Variants in EXTL3 observed in about 807,000 individuals in gnomAD.
The protein encoded by EXTL3 is exostosin like glycosyltransferase 3.
In EXTL3, 27 loss-of-function variants were observed where a neutral mutation model predicts 69.3. The observed-to-expected ratio is 0.39, with a 90% CI of 0.29 to 0.54. The LOEUF (loss-of-function observed/expected upper bound fraction) is 0.54. Among genes scored for constraint, EXTL3 ranks in the 20% least tolerant of loss-of-function variants. EXTL3 has a pLI of 0.69. For synonymous variants in EXTL3, 511 were observed against 499.4 expected (o/e 1.02, Z -0.31); for missense variants, 1,003 against 1,231.8 (o/e 0.81, Z 2.78).
At position 28,747,455 on chromosome 8, in the gene EXTL3, C is replaced by T. The variant is rs539374283; in HGVS notation, c.2551-3202C>T. Among the ~76,000 whole-genome samples the T allele has an allele frequency of 1.2e-4, 18 of 152,180 alleles. No individual in the cohort carries two copies. In the South Asian group the frequency reaches 2.1e-3, roughly 18 times the overall value. On this transcript the variant is annotated intron_variant, in intron 6 of 6. Transcript: ENST00000220562. ...AACTCTGGGACCTGGGCTCTGACGG[C>T]GCATACTGGCTGTACACAATGATTA...
chr8:28,722,872 G>A (rs887447787), intron 3 of EXTL3, among the ~76,000 whole-genome samples: 4 of 151,806 alleles, frequency 2.6e-5, no homozygotes, highest in African/African-American at 7.3e-5. Context: ...TGAACAGGGA[G>A]AGTTCTTTTT....
chr8:28,704,023 A>G (rs1037206528), intron 1 of EXTL3, among the ~76,000 whole-genome samples: 3 of 152,166 alleles, frequency 2.0e-5, no homozygotes, highest in Non-Finnish European at 4.4e-5. Flanking sequence ...TGTAAGCTTC[A>G]TCTTTTCTTT....
At chr8:28,632,104 C>CA (rs111535160) in intron 1 of EXTL3, among the ~76,000 whole-genome samples, 15,999 of 139,266 alleles carry the variant, frequency 0.11, 2,501 homozygotes, top group African/African-American at 0.36. Context: ...CACCACCCAC[C>CA]AAAAAAAAAA....
intron 1 of EXTL3, among the ~76,000 whole-genome samples, chr8:28,658,196 C>T (rs1349922463): frequency 2.2e-5 from 3 of 134,780 alleles, no homozygotes; most frequent in African/African-American, 9.3e-5. Flanking sequence ...TGACACCGGA[C>T]GGTGGGTGGG....
chr8:28,612,527 C>T (rs1299806869), intron 2 of EXTL3, among the ~76,000 whole-genome samples: 1 of 151,646 alleles, frequency 6.6e-6, no homozygotes, highest in African/African-American at 2.4e-5. Context: ...CAAAGTGAGT[C>T]AACTCTCCCA....
intron 1 of EXTL3, among the ~76,000 whole-genome samples, chr8:28,633,249 G>A (rs1370989325): frequency 6.6e-6 from 1 of 152,040 alleles, no homozygotes; most frequent in African/African-American, 2.4e-5. Flanking sequence ...GAGGCGGGAG[G>A]ATCACTGGAG....
At position 28,717,462 on chromosome 8, in the gene EXTL3, T is replaced by C. The variant is rs1277807039; in HGVS notation, c.1403T>C (p.Val468Ala). The part of the protein sequence containing the change: ...GAVPVVLGEQ[V>A]QLPYQDMLQW... ...GTCCCGGTGGTGCTGGGGGAGCAGGTCCAGCTTCCCTACCAGGACATGCTG... is the reference window on the plus strand; with the variant it reads ...GTCCCGGTGGTGCTGGGGGAGCAGGCCCAGCTTCCCTACCAGGACATGCTG... Residue 468 changes from valine to alanine, a missense_variant, in exon 3 of 7, where the codon GTC (valine) becomes GCC (alanine). Physicochemically the swap from Val to Ala is moderately conservative, Grantham distance 64. Coordinates refer to ENST00000220562, the MANE Select transcript of EXTL3 (RefSeq NM_001440.4). This position sits in a 1 kb window ranked among gnomAD's most constrained non-coding sequence, Gnocchi z 8.3. 2.5e-6 allele frequency: 4 copies of C among 1,614,134 alleles called. No homozygotes were observed. Among genetic ancestry groups the C allele is most frequent in the Non-Finnish European group, 3.4e-6 (4 of 1,180,022 alleles).
At chr8:28,693,538 G>C (rs774255706) in intron 1 of EXTL3, among the ~76,000 whole-genome samples, 3 of 152,148 alleles carry the variant, frequency 2.0e-5, no homozygotes, top group African/African-American at 4.8e-5. Context: ...GCAAGGCAGA[G>C]AATACTATGA....
intron 5 of EXTL3, chr8:28,739,868 TAGC>T (rs1176345171): frequency 5.3e-5 from 8 of 152,308 alleles, no homozygotes; most frequent in African/African-American, 1.4e-4. Context: ...CCACTGATCT[TAGC>T]AGCGTCTACT....
At chr8:28,619,257 G>C, upstream of EXTL3, among the ~76,000 whole-genome samples, 1 of 81,362 alleles carries the variant, frequency 1.2e-5, no homozygotes, top group Non-Finnish European at 2.4e-5. Context: ...GTAGAAATTA[G>C]CTTAGTGATA....
At chr8:28,610,744 C>CTTT (rs35188606) in intron 2 of EXTL3, among the ~76,000 whole-genome samples, 1 of 138,082 alleles carries the variant, frequency 7.2e-6, no homozygotes, top group African/African-American at 2.7e-5. Context: ...AGATCTGTTT[C>CTTT]TTTTTTTTTT....
At chr8:28,720,503 T>G (rs993768778) in intron 3 of EXTL3, among the ~76,000 whole-genome samples, 5 of 152,216 alleles carry the variant, frequency 3.3e-5, no homozygotes, top group African/African-American at 1.2e-4. Flanking sequence ...AGGATTGTCT[T>G]AGGGGTGCCC....
intron 6 of EXTL3, among the ~76,000 whole-genome samples, chr8:28,748,979 C>G (rs575400004): frequency 6.6e-6 from 1 of 152,074 alleles, no homozygotes; most frequent in Non-Finnish European, 1.5e-5. Flanking sequence ...GTCGTCGATA[C>G]CCTTGGACTG....
chr8:28,748,743 G>A (rs1029014060), intron 6 of EXTL3, among the ~76,000 whole-genome samples: 1 of 152,208 alleles, frequency 6.6e-6, no homozygotes, highest in Non-Finnish European at 1.5e-5. Context: ...ACAGGTTGTT[G>A]GGGAAGTGTA....
intron 1 of EXTL3, among the ~76,000 whole-genome samples, chr8:28,674,265 G>T (rs575501889): frequency 1.3e-5 from 2 of 152,142 alleles, no homozygotes; most frequent in South Asian, 2.1e-4. Flanking sequence ...AGAGACAAGG[G>T]TCTTGCCATG....
At position 28,709,249 on chromosome 8, in the gene EXTL3, G is replaced by T. The variant is rs1585266599; in HGVS notation, c.-569-4208G>T. ...AGTAAACCCACTTCACGGGATTGCT[G>T]TGAGGATTAAGTGAGTGTGTTGAGG... is the stretch of plus-strand genomic sequence containing the variant. On this transcript the variant is annotated intron_variant, in intron 1 of 6. Coordinates refer to ENST00000220562, the MANE Select transcript of EXTL3 (RefSeq NM_001440.4). Among the ~76,000 whole-genome samples the T allele has an allele frequency of 4.6e-5, 7 of 152,322 alleles. 1 individual carries two copies. The South Asian group carries it at 1.4e-3, about 32-fold the overall frequency.
chr8:28,657,469 T>C (rs2130614788), intron 1 of EXTL3, among the ~76,000 whole-genome samples: 1 of 152,334 alleles, frequency 6.6e-6, no homozygotes, highest in East Asian at 1.9e-4. Flanking sequence ...TCCAATGACA[T>C]CTTCAGCATT....
upstream of EXTL3, among the ~76,000 whole-genome samples, chr8:28,620,007 A>ACTACAG (rs924801866): frequency 1.3e-4 from 19 of 151,082 alleles, no homozygotes; most frequent in Non-Finnish European, 2.7e-4. Flanking sequence ...AGTAGCTGGG[A>ACTACAG]CTACAGGCGC....
intron 1 of EXTL3, among the ~76,000 whole-genome samples, chr8:28,653,350 G>A (rs1806957441): frequency 1.3e-5 from 2 of 152,092 alleles, no homozygotes; most frequent in Admixed American, 6.5e-5. Context: ...AGTGTCCATT[G>A]ATGCATACAA....
Sources: gnomAD v4.1 joint callset for allele counts (sites outside exome capture counted in the v4.1 genomes callset) on GRCh38, gnomAD v4.1.1 for gene constraint, Gnocchi (gnomAD v3.1) non-coding constraint, MANE v1.5 for transcripts, NCBI Gene and HGNC (gene_info 2026-07-23, HGNC 2026-07-21) for gene names.